Variants in ADAM19 observed in about 807,000 individuals in gnomAD.
ADAM19 encodes the protein ADAM metallopeptidase domain 19.
In ADAM19, 65 loss-of-function variants were observed where a neutral mutation model predicts 114.7. The ratio of observed to expected loss-of-function variants is 0.57; its 90% CI spans 0.46 to 0.70. ADAM19 has a LOEUF of 0.70. Among genes scored for constraint, ADAM19 ranks in the 30% least tolerant of loss-of-function variants. ADAM19 has a pLI of 0.00. For missense variants in ADAM19, 1,063 were observed against 1,204.7 expected (o/e 0.88, Z 1.74); for synonymous variants, 466 against 460.5 (o/e 1.01, Z -0.15).
rs568087316 is a variant in ADAM19, at chr5:157,536,536, G to A, written c.330+1377C>T. Among the ~76,000 whole-genome samples the A allele has an allele frequency of 3.3e-5, 5 of 152,238 alleles. No individual in the cohort carries two copies. In the East Asian group the frequency reaches 9.6e-4, roughly 29 times the overall value. On this transcript the variant is annotated intron_variant, in intron 4 of 22. Transcript: ENST00000257527. ...CCACCTACTGGGGAGGCTGAGACAG[G>A]AGAATTGCCTGAACCCAAGAGGCGG...
At chr5:157,545,186 A>G (rs1360003235) in intron 3 of ADAM19, among the ~76,000 whole-genome samples, 2 of 152,238 alleles carry the variant, frequency 1.3e-5, no homozygotes, top group Admixed American at 6.5e-5. Context: ...CACCCAAAGC[A>G]TAAGTCAAGG....
At chr5:157,539,383 G>A (rs1756854189) in intron 3 of ADAM19, among the ~76,000 whole-genome samples, 2 of 152,120 alleles carry the variant, frequency 1.3e-5, no homozygotes, top group African/African-American at 4.8e-5. Flanking sequence ...GAATCTGCAG[G>A]GATAACCCAG....
At chr5:157,566,442 T>C (rs1049546858) in intron 2 of ADAM19, 8 of 152,246 alleles carry the variant, frequency 5.3e-5, no homozygotes, top group African/African-American at 1.2e-4. Context: ...ATGTTTACAA[T>C]TGCTTTCACA....
chr5:157,496,057 A>C lies in ADAM19; in HGVS notation c.1594+837T>G, dbSNP rs372874424. Among the ~76,000 whole-genome samples the C allele has an allele frequency of 2.7e-5, 4 of 146,076 alleles. No individual in the cohort carries two copies. The South Asian group carries it at 8.6e-4, about 31-fold the overall frequency. On this transcript the variant is annotated intron_variant, in intron 14 of 22. Transcript: ENST00000257527. ...TGGGCTCAAGCCATCCCCCCACCTC[A>C]GCCTCCTGAGTAGCTAGGATTACAG...
intron 5 of ADAM19, 58 bp downstream of exon 5, chr5:157,530,749 G>C: frequency 6.8e-7 from 1 of 1,476,052 alleles, no homozygotes; most frequent in Non-Finnish European, 9.5e-7. Context: ...TGTCTATCTT[G>C]AAACTTCCAT....
intron 7 of ADAM19, 90 bp downstream of exon 7, chr5:157,518,733 T>A (rs1180099218): frequency 9.6e-7 from 1 of 1,046,400 alleles, no homozygotes; most frequent in Non-Finnish European, 1.5e-6. Flanking sequence ...GAAAGATGAA[T>A]GGGCAACATT....
chr5:157,498,062 G>A (rs916774603), intron 13 of ADAM19, among the ~76,000 whole-genome samples: 4 of 152,304 alleles, frequency 2.6e-5, no homozygotes, highest in African/African-American at 7.2e-5. Context: ...CCAGGGGGAC[G>A]CACAGCCAAA....
intron 5 of ADAM19, among the ~76,000 whole-genome samples, chr5:157,523,276 T>C (rs1275719311): frequency 2.6e-5 from 4 of 152,202 alleles, no homozygotes; most frequent in Admixed American, 6.5e-5. Flanking sequence ...CTCAGGGATA[T>C]CTATTAGAAT....
chr5:157,516,019 C>A (rs564773771), intron 7 of ADAM19, among the ~76,000 whole-genome samples: 1 of 152,312 alleles, frequency 6.6e-6, no homozygotes, highest in South Asian at 2.1e-4. Flanking sequence ...GCATTCAGAG[C>A]CCCAAGGCTC....
chr5:157,481,121 G>T, intron 22 of ADAM19, 119 bp from the exon 23 acceptor site: 1 of 1,361,174 alleles, frequency 7.3e-7, no homozygotes, highest in Non-Finnish European at 1.0e-6. Context: ...GAGAACAAAG[G>T]CTTCTTGTGA....
Position 157,479,447 on chromosome 5 carries a change from C to T in ADAM19, c.*1502G>A. 1 of 985,940 alleles carries T rather than the reference C, an allele frequency of 1.0e-6. No individual in the cohort carries two copies. Among genetic ancestry groups the T allele is most frequent in the Non-Finnish European group, 1.2e-6 (1 of 830,058 alleles). The allele number at this position is 985,940 out of a possible 1,614,324, so 61.1% of individuals were successfully genotyped here. On this transcript the variant is annotated 3_prime_UTR_variant, in exon 23 of 23. Coordinates refer to ENST00000257527, the MANE Select transcript of ADAM19 (RefSeq NM_033274.5). ...CAGAGGAGTGAGAGTCAGGCCAGCT[C>T]CTGTCCGGAGAGCCACCCAGCACCT... is the stretch of plus-strand genomic sequence containing the variant.
chr5:157,555,283 A>G (rs974139400), intron 3 of ADAM19, among the ~76,000 whole-genome samples: 1 of 152,118 alleles, frequency 6.6e-6, no homozygotes, highest in African/African-American at 2.4e-5. Context: ...CCATATAAAT[A>G]CCACAGTACG....
At chr5:157,557,338 T>C (rs1757393594) in intron 3 of ADAM19, among the ~76,000 whole-genome samples, 2 of 152,214 alleles carry the variant, frequency 1.3e-5, no homozygotes, top group South Asian at 4.1e-4. Flanking sequence ...TCCAAATCTG[T>C]TCTACTCTAT....
At chr5:157,520,239 T>C (rs1756241199) in intron 5 of ADAM19, among the ~76,000 whole-genome samples, 1 of 152,102 alleles carries the variant, frequency 6.6e-6, no homozygotes, top group Non-Finnish European at 1.5e-5. Flanking sequence ...ACATAAAAAG[T>C]GGTGCATGAG....
intron 5 of ADAM19, among the ~76,000 whole-genome samples, chr5:157,529,288 A>C (rs1487077802): frequency 1.3e-5 from 2 of 151,406 alleles, no homozygotes; most frequent in Non-Finnish European, 2.9e-5. Flanking sequence ...ATATGCAATG[A>C]GATACCAGGT....
chr5:157,505,872 T>C lies in ADAM19; in HGVS notation c.991-64A>G. The C allele has an allele frequency of 2.6e-6, 4 of 1,551,240 alleles. No homozygotes were observed. In the East Asian group the frequency reaches 9.4e-5, roughly 36 times the overall value. ...CAGATCTGCCTCTGCCCCCCATCCCTGCCTTATCCTTAGCCAAGTCTTGCA... is the reference window on the plus strand; with the variant it reads ...CAGATCTGCCTCTGCCCCCCATCCCCGCCTTATCCTTAGCCAAGTCTTGCA... On this transcript the variant is annotated intron_variant, in intron 10 of 22. Coordinates refer to ENST00000257527, the MANE Select transcript of ADAM19 (RefSeq NM_033274.5).
intron 7 of ADAM19, 140 bp downstream of exon 7, chr5:157,518,683 C>G (rs539895986): frequency 1.2e-6 from 1 of 827,844 alleles, no homozygotes; most frequent in Non-Finnish European, 2.0e-6. Flanking sequence ...CGCGCCCAGC[C>G]TTTGGTGAGA....
chr5:157,542,900 G>GCT (rs1298642759), intron 3 of ADAM19, among the ~76,000 whole-genome samples: 1 of 152,066 alleles, frequency 6.6e-6, no homozygotes, highest in Non-Finnish European at 1.5e-5. Context: ...GAAGAGTGTG[G>GCT]CTTTGAAAGA....
In ADAM19 at chr5:157,526,733, G is replaced by A. The variant is rs972678284; in HGVS notation, c.407+4074C>T. On this transcript the variant is annotated intron_variant, in intron 5 of 22. Transcript: ENST00000257527. ...CCTCCCGGGTTCAAACGGTTCTCCTGCCTCAGCCTCCCAAATAGCTGGGAC... is the reference window on the plus strand; with the variant it reads ...CCTCCCGGGTTCAAACGGTTCTCCTACCTCAGCCTCCCAAATAGCTGGGAC... Among the ~76,000 whole-genome samples, 11 of 151,640 alleles carry A rather than the reference G, an allele frequency of 7.3e-5. No individual in the cohort carries two copies. In the East Asian group the frequency reaches 1.7e-3, roughly 24 times the overall value.
Sources: gnomAD v4.1 joint callset for allele counts (sites outside exome capture counted in the v4.1 genomes callset) on GRCh38, gnomAD v4.1.1 for gene constraint, MANE v1.5 for transcripts, NCBI Gene and HGNC (gene_info 2026-07-23, HGNC 2026-07-21) for gene names.